The following ENOX1 variants were observed in gnomAD, a reference collection of about 807,000 sequenced individuals.
The protein encoded by ENOX1 is ecto-NOX disulfide-thiol exchanger 1.
In ENOX1, 42 loss-of-function variants were observed where a neutral mutation model predicts 82.5. The ratio of observed to expected loss-of-function variants is 0.51; its 90% CI spans 0.40 to 0.66. The LOEUF (loss-of-function observed/expected upper bound fraction) is 0.66. Among genes scored for constraint, ENOX1 ranks in the 30% least tolerant of loss-of-function variants. The probability of loss-of-function intolerance (pLI) is 0.00; values close to 1 mark genes in which losing one functional copy is unlikely to be tolerated. For missense variants in ENOX1, 608 were observed against 811.6 expected (o/e 0.75, Z 3.05); for synonymous variants, 271 against 282.2 (o/e 0.96, Z 0.40).
intron 14 of ENOX1, among the ~76,000 whole-genome samples, chr13:43,258,097 G>C (rs2043851957): frequency 6.6e-6 from 1 of 152,222 alleles, no homozygotes; most frequent in Admixed American, 6.5e-5. Flanking sequence ...TCCAGCAGTG[G>C]AAACATAGTC....
intron 3 of ENOX1, among the ~76,000 whole-genome samples, chr13:43,451,334 G>T (rs2056954586): frequency 6.6e-6 from 1 of 152,144 alleles, no homozygotes; most frequent in Admixed American, 6.6e-5. Context: ...TAGTTAAAAG[G>T]TAGTAGATAT....
chr13:43,753,988 G>A (rs145973370), intron 1 of ENOX1, among the ~76,000 whole-genome samples: 1,881 of 78,776 alleles, frequency 0.024, 39 homozygotes, highest in African/African-American at 0.07. Flanking sequence ...ACGTATCTAC[G>A]TGTGTGTGTA....
intron 1 of ENOX1, among the ~76,000 whole-genome samples, chr13:43,751,584 G>C (rs1950323451): frequency 6.6e-6 from 1 of 152,128 alleles, no homozygotes; most frequent in Non-Finnish European, 1.5e-5. Context: ...GCTTTCTAGA[G>C]AGTCATTAGC....
intron 1 of ENOX1, among the ~76,000 whole-genome samples, chr13:43,716,944 A>G (rs2088183944): frequency 6.6e-6 from 1 of 152,250 alleles, no homozygotes; most frequent in African/African-American, 2.4e-5. Flanking sequence ...AAGAATCAAT[A>G]TTGTTAAAAT....
At chr13:43,537,851 T>C (rs541510919) in intron 2 of ENOX1, among the ~76,000 whole-genome samples, 10 of 152,206 alleles carry the variant, frequency 6.6e-5, no homozygotes, top group African/African-American at 2.4e-4. Context: ...TTCCCTGGAG[T>C]CTCAGGGTTG....
chr13:43,236,936 C>T (rs1232187149), intron 14 of ENOX1, among the ~76,000 whole-genome samples, 198 bp from the exon 15 acceptor site: 1 of 152,218 alleles, frequency 6.6e-6, no homozygotes, highest in Non-Finnish European at 1.5e-5. Context: ...CTAGGTACTG[C>T]TCCCCGCATA....
chr13:43,603,551 C>T (rs1241798768), intron 2 of ENOX1, among the ~76,000 whole-genome samples: 1 of 141,222 alleles, frequency 7.1e-6, no homozygotes, highest in Non-Finnish European at 1.5e-5. Context: ...CCCCACCCCA[C>T]AACAGGCCCT....
At chr13:43,476,221 G>T (rs1181372632) in intron 3 of ENOX1, among the ~76,000 whole-genome samples, 6 of 152,014 alleles carry the variant, frequency 3.9e-5, no homozygotes, top group African/African-American at 1.4e-4. Context: ...CACATGCTAG[G>T]TATAACGCTC....
At chr13:43,578,132 G>A (rs2080527881) in intron 2 of ENOX1, among the ~76,000 whole-genome samples, 1 of 152,148 alleles carries the variant, frequency 6.6e-6, no homozygotes, top group African/African-American at 2.4e-5. Flanking sequence ...ACAGCCATTT[G>A]AAACGATCTG....
At chr13:43,666,608 G>A (rs190365114) in intron 2 of ENOX1, among the ~76,000 whole-genome samples, 75 of 152,278 alleles carry the variant, frequency 4.9e-4, no homozygotes, top group African/African-American at 1.8e-3. Context: ...AAGCAACCCT[G>A]CTGACACCTG....
At chr13:43,515,542 A>T (rs4555051) in intron 2 of ENOX1, among the ~76,000 whole-genome samples, 52,762 of 151,980 alleles carry the variant, frequency 0.35, 10,844 homozygotes, top group East Asian at 0.81. Context: ...AAATTCTCAC[A>T]ACAACCTTAC....
At chr13:43,352,180 T>A (rs2049851111) in intron 8 of ENOX1, among the ~76,000 whole-genome samples, 1 of 152,220 alleles carries the variant, frequency 6.6e-6, no homozygotes, top group African/African-American at 2.4e-5. Flanking sequence ...CTGGAAATTA[T>A]GAATGTTGAT....
chr13:43,771,796 G>A (rs1434155640), intron 1 of ENOX1, among the ~76,000 whole-genome samples: 2 of 151,030 alleles, frequency 1.3e-5, no homozygotes, highest in African/African-American at 4.9e-5. Context: ...ATGGAGTCTC[G>A]CTCTGTCGCC....
chr13:43,247,542 T>C (rs902876435), intron 14 of ENOX1, among the ~76,000 whole-genome samples: 3 of 151,832 alleles, frequency 2.0e-5, no homozygotes, highest in Non-Finnish European at 2.9e-5. Flanking sequence ...TGAGTAGCTA[T>C]AGCAGTGTGA....
chr13:43,229,391 C>T (rs543944200), intron 15 of ENOX1, among the ~76,000 whole-genome samples: 7 of 152,210 alleles, frequency 4.6e-5, no homozygotes, highest in Admixed American at 3.9e-4. Flanking sequence ...CCGGGGGAGA[C>T]CATTCCAGGT....
At chr13:43,343,043 T>A (rs2049161615) in intron 9 of ENOX1, among the ~76,000 whole-genome samples, 1 of 152,202 alleles carries the variant, frequency 6.6e-6, no homozygotes, top group Non-Finnish European at 1.5e-5. Context: ...ATAAACTGCA[T>A]GGAAATTAGA....
intron 9 of ENOX1, among the ~76,000 whole-genome samples, chr13:43,343,279 T>C (rs1017568515): frequency 1.3e-5 from 2 of 152,246 alleles, no homozygotes; most frequent in Non-Finnish European, 2.9e-5. Flanking sequence ...TATTGCTTTT[T>C]AAAAATTCTA....
intron 12 of ENOX1, among the ~76,000 whole-genome samples, chr13:43,275,583 C>T (rs923105726): frequency 6.6e-6 from 1 of 151,554 alleles, no homozygotes; most frequent in Non-Finnish European, 1.5e-5. Context: ...AACACACACA[C>T]ACACACACAC....
chr13:43,262,352 C>T (rs1277736358), intron 14 of ENOX1, among the ~76,000 whole-genome samples: 1 of 152,112 alleles, frequency 6.6e-6, no homozygotes, highest in Non-Finnish European at 1.5e-5. Flanking sequence ...TGGCACCAGT[C>T]CACTGTATAA....
Sources: gnomAD v4.1 joint callset for allele counts (sites outside exome capture counted in the v4.1 genomes callset) on GRCh38, gnomAD v4.1.1 for gene constraint, MANE v1.5 for transcripts, NCBI Gene and HGNC (gene_info 2026-07-23, HGNC 2026-07-21) for gene names.